USP42: variants seen among roughly 807,000 people sequenced by gnomAD.
USP42 encodes ubiquitin specific peptidase 42, also known as ubiquitin carboxyl-terminal hydrolase 42.
USP42 carries 23 observed loss-of-function variants against 113.0 expected under a neutral mutation model. The ratio of observed to expected loss-of-function variants is 0.20; its 90% CI spans 0.15 to 0.29. The LOEUF (loss-of-function observed/expected upper bound fraction) is 0.29. Among genes scored for constraint, USP42 ranks in the 10% least tolerant of loss-of-function variants. The probability of loss-of-function intolerance (pLI) is 1.00; values close to 1 mark genes in which losing one functional copy is unlikely to be tolerated. For synonymous variants in USP42, 933 were observed against 699.0 expected (o/e 1.33, Z -5.28); for missense variants, 2,174 against 1,779.8 (o/e 1.22, Z -3.99).
chr7:6,132,724 T>C (rs910412059), intron 3 of USP42, among the ~76,000 whole-genome samples: 3 of 151,964 alleles, frequency 2.0e-5, no homozygotes, highest in African/African-American at 7.3e-5. Flanking sequence ...CAGGCTGGAG[T>C]GCAGCGTCGA....
At chr7:6,098,491 T>A in the USP42 span, among the ~76,000 whole-genome samples, 1 of 150,192 alleles carries the variant, frequency 6.7e-6, no homozygotes, top group African/African-American at 2.5e-5. Flanking sequence ...TATCTGATCT[T>A]GGTGATTTAT....
chr7:6,114,691 T>TTG (rs1779814516), intron 2 of USP42, among the ~76,000 whole-genome samples: 1 of 84,652 alleles, frequency 1.2e-5, no homozygotes, highest in Non-Finnish European at 2.4e-5. Context: ...TTTTTTTTTT[T>TTG]TTTTTTTTTT....
At chr7:6,146,337 T>C in intron 11 of USP42, 89 bp downstream of exon 11, 1 of 625,344 alleles carries the variant, frequency 1.6e-6, no homozygotes. Flanking sequence ...TTCAGTGTTT[T>C]AAAAAAAAAA....
chr7:6,142,138 T>A (rs909803646), intron 7 of USP42, among the ~76,000 whole-genome samples: 1 of 152,254 alleles, frequency 6.6e-6, no homozygotes, highest in African/African-American at 2.4e-5. Flanking sequence ...CTGCTCATTT[T>A]TAAATGGGAG....
At chr7:6,130,496 T>G (rs1583625135) in intron 3 of USP42, among the ~76,000 whole-genome samples, 1 of 152,018 alleles carries the variant, frequency 6.6e-6, no homozygotes, top group Non-Finnish European at 1.5e-5. Flanking sequence ...ACTGGGTGGG[T>G]GGAAATCTGG....
chr7:6,140,886 C>A, intron 6 of USP42, 28 bp from the exon 7 acceptor site: 2 of 1,314,396 alleles, frequency 1.5e-6, no homozygotes, highest in Non-Finnish European at 2.1e-6. Context: ...ATACTTTGCT[C>A]ATCTTTTGCA....
Position 6,136,065 on chromosome 7 carries a change from C to T in USP42, c.553+114C>T, listed in dbSNP as rs942257642. On this transcript the variant is annotated intron_variant, in intron 4 of 17. Transcript: ENST00000306177. ...TGTCGCCTAGGCTGGAATGTAGTGG[C>T]GCTATTTCGGCTCACTGCAGCTTCC... 38 of 634,136 alleles carry T rather than the reference C, an allele frequency of 6.0e-5. No individual in the cohort carries two copies. In the East Asian group the frequency reaches 9.1e-4, roughly 15 times the overall value. The allele number at this position is 634,136 out of a possible 1,614,324, so 39.3% of individuals were successfully genotyped here.
At position 6,149,894 on chromosome 7, in the gene USP42, C is replaced by G. The variant is rs1781939019; in HGVS notation, c.1698C>G (p.Thr566=). 1 of 1,614,046 alleles carries G rather than the reference C, an allele frequency of 6.2e-7. No homozygotes were observed. Among genetic ancestry groups the G allele is most frequent in the African/African-American group, 1.3e-5 (1 of 75,064 alleles). ...STITNSAVQS[T]SNASTMSVSS... is the part of the protein sequence containing the mutation. Reference sequence around the variant, plus strand: ...TTACCAATTCTGCAGTACAGTCTACCTCGAACGCATCTACGATGTCAGTTT... The same window carrying G: ...TTACCAATTCTGCAGTACAGTCTACGTCGAACGCATCTACGATGTCAGTTT... The change falls in exon 13 of 18, where the codon ACC becomes ACG. Residue 566 remains threonine (T), a synonymous_variant. Coordinates refer to ENST00000306177, the MANE Select transcript of USP42 (RefSeq NM_032172.3).
chr7:6,082,789 T>G, the USP42 span, among the ~76,000 whole-genome samples: 1 of 149,428 alleles, frequency 6.7e-6, no homozygotes, highest in East Asian at 1.9e-4. Flanking sequence ...GTTTTGTATT[T>G]GAGTAGACAT....
At position 6,150,254 on chromosome 7, in the gene USP42, C is replaced by T. The variant is rs774225037; in HGVS notation, c.2058C>T (p.Ala686=). 1.2e-6 allele frequency: 2 copies of T among 1,613,584 alleles called. No individual in the cohort carries two copies. The highest frequency in any genetic ancestry group is 2.2e-5 in the East Asian group (1 of 44,904). ...PDGASCQGQP[A]LHSENPFAKA... ...GTGCCAGCTGCCAAGGCCAGCCTGCCCTGCACTCAGAAAATCCCTTTGCTA... is the reference window on the plus strand; with the variant it reads ...GTGCCAGCTGCCAAGGCCAGCCTGCTCTGCACTCAGAAAATCCCTTTGCTA... Residue 686 remains alanine, a synonymous_variant, in exon 13 of 18, where the codon GCC becomes GCT. Transcript: ENST00000306177.
chr7:6,096,071 T>C, the USP42 span, among the ~76,000 whole-genome samples: 1 of 151,076 alleles, frequency 6.6e-6, no homozygotes, highest in Non-Finnish European at 1.5e-5. Flanking sequence ...TGGATGCATG[T>C]TTTGGAATTG....
chr7:6,108,363 C>T (rs564248998), intron 1 of USP42, among the ~76,000 whole-genome samples: 2 of 152,100 alleles, frequency 1.3e-5, no homozygotes, highest in Non-Finnish European at 2.9e-5. Context: ...CGTAGTGAGA[C>T]CCTGTCTCTA....
intron 3 of USP42, among the ~76,000 whole-genome samples, chr7:6,128,668 T>A (rs1433879450): frequency 6.6e-6 from 1 of 152,176 alleles, no homozygotes; most frequent in East Asian, 1.9e-4. Flanking sequence ...TTATTGATAT[T>A]TTAAGACTTA....
chr7:6,145,423 T>C, intron 9 of USP42, 93 bp from the exon 10 acceptor site: 3 of 1,479,480 alleles, frequency 2.0e-6, no homozygotes, highest in Non-Finnish European at 1.9e-6. Context: ...TCTGTGGGTC[T>C]CCCCTCCTAG....
chr7:6,092,692 A>G, the USP42 span, among the ~76,000 whole-genome samples: 1 of 151,214 alleles, frequency 6.6e-6, no homozygotes, highest in Non-Finnish European at 1.5e-5. Flanking sequence ...TTAATTCTAA[A>G]TTAATATTTT....
Position 6,149,799 on chromosome 7 carries a change from T to C in USP42, c.1603T>C (p.Cys535Arg), listed in dbSNP as rs1273784682. The C allele has an allele frequency of 1.2e-6, 2 of 1,614,054 alleles. No individual in the cohort carries two copies. The highest frequency in any genetic ancestry group is 1.7e-6 in the Non-Finnish European group (2 of 1,179,912). ...SIHNKLPVRQ[C>R]QSQPNLHSNS... is the part of the protein sequence containing the mutation. ...TCACAACAAGTTGCCTGTTCGCCAG[T>C]GTCAGTCTCAACCTAACCTTCATAG... The change falls in exon 13 of 18, where the codon TGT (cysteine) becomes CGT (arginine). Residue 535 changes from cysteine to arginine, a missense_variant. By Grantham distance (180) the Cys-to-Arg change is radical. Coordinates refer to ENST00000306177, the MANE Select transcript of USP42 (RefSeq NM_032172.3).
rs929436482 is a variant in USP42 at position 6,159,559 on chromosome 7, G to GT, written c.*36+70dup. The GT allele has an allele frequency of 6.6e-7, 1 of 1,503,768 alleles. No individual in the cohort carries two copies. The highest frequency in any genetic ancestry group is 1.7e-5 in the Admixed American group (1 of 57,692). 93.2% of individuals were successfully genotyped at this position (1,503,768 alleles called of 1,614,324 possible). The stretch of plus-strand genomic sequence containing the variant: ...GCGCTGAGGGGACGCAGGCAGAGGA[G>GT]TTTTAATTCTGCGGCTCTGCCTGGG... On this transcript the variant is annotated intron_variant, in intron 17 of 17. Transcript: ENST00000306177. The surrounding 1 kb of genome is among the most constrained non-coding windows in gnomAD (Gnocchi z 4.1).
At chr7:6,146,109 TAAATC>T in intron 10 of USP42, 34 bp from the exon 11 acceptor site, 1 of 1,367,690 alleles carries the variant, frequency 7.3e-7, no homozygotes, top group Non-Finnish European at 1.0e-6. Flanking sequence ...CATGTTTAAT[TAAATC>T]TAATCTCTCT....
At chr7:6,089,536 C>CTTT in the USP42 span, among the ~76,000 whole-genome samples, 1 of 139,724 alleles carries the variant, frequency 7.2e-6, no homozygotes, top group African/African-American at 2.7e-5. Context: ...CTGACTTTCT[C>CTTT]TTTTTTTTTT....
Sources: allele counts gnomAD v4.1 joint callset (sites outside exome capture counted in the v4.1 genomes callset), GRCh38; gene constraint gnomAD v4.1.1; non-coding constraint Gnocchi (gnomAD v3.1); transcripts MANE v1.5; gene names NCBI Gene and HGNC (gene_info 2026-07-23, HGNC 2026-07-21).